The following ZMPSTE24 variants were observed in gnomAD, a reference collection of about 807,000 sequenced individuals.
The protein encoded by ZMPSTE24 is CAAX prenyl protease 1 homolog.
ZMPSTE24 carries 48 observed loss-of-function variants against 56.7 expected under a neutral mutation model. That is an observed-to-expected ratio of 0.85 (90% CI 0.67 to 1.08). The LOEUF is 1.08. ZMPSTE24 is among the 50% of genes least tolerant of loss of function. The pLI is 0.00. For missense variants in ZMPSTE24, 503 were observed against 548.7 expected (o/e 0.92, Z 0.83); for synonymous variants, 172 against 195.2 (o/e 0.88, Z 0.99).
At chr1:40,286,126 C>T in intron 8 of ZMPSTE24, 97 bp downstream of exon 8, 1 of 1,066,992 alleles carries the variant, frequency 9.4e-7, no homozygotes, top group Non-Finnish European at 1.4e-6. Flanking sequence ...AAGGCAGACA[C>T]CACAGCCAGG....
In ZMPSTE24 at chr1:40,293,358, T is replaced by G. The variant is rs1199494338; in HGVS notation, c.*689T>G. On this transcript the variant is annotated 3_prime_UTR_variant, in exon 10 of 10. Transcript: ENST00000372759. The stretch of plus-strand genomic sequence containing the variant: ...TTTTTTGTTTGTTTGTTTCTTTTGT[T>G]TTTTGGAAAATCCGTGTCTTTATCT... The G allele has an allele frequency of 1.3e-5, 2 of 152,234 alleles. No individual in the cohort carries two copies. The highest frequency in any genetic ancestry group is 2.9e-5 in the Non-Finnish European group (2 of 68,062). 9.4% of individuals were successfully genotyped at this position (152,234 alleles called of 1,614,324 possible). A position where few individuals can be genotyped will look rare whatever the true frequency, so the allele number is the denominator to read the frequency against.
intron 6 of ZMPSTE24, among the ~76,000 whole-genome samples, chr1:40,275,265 C>CAAAA (rs869166476): frequency 4.4e-4 from 17 of 38,616 alleles, no homozygotes; most frequent in African/African-American, 6.6e-4. Context: ...ACTAAAAATA[C>CAAAA]AAAAAAAAAA....
intron 9 of ZMPSTE24, among the ~76,000 whole-genome samples, chr1:40,292,022 C>T (rs1422854473): frequency 1.3e-5 from 2 of 151,646 alleles, no homozygotes; most frequent in African/African-American, 4.8e-5. Context: ...TGTATTTTTA[C>T]TAGAGACAGG....
At chr1:40,276,338 TAAGAG>T (rs1280898872) in intron 6 of ZMPSTE24, among the ~76,000 whole-genome samples, 1 of 152,050 alleles carries the variant, frequency 6.6e-6, no homozygotes, top group Non-Finnish European at 1.5e-5. Flanking sequence ...TGAAGGCACT[TAAGAG>T]AAGGGGACCA....
intron 6 of ZMPSTE24, 32 bp downstream of exon 6, chr1:40,272,067 C>A: frequency 6.4e-7 from 1 of 1,563,012 alleles, no homozygotes; most frequent in Non-Finnish European, 8.7e-7. Context: ...AAAGTTTTAT[C>A]CAAGTGGTTT....
At chr1:40,289,928 C>T (rs757770589) in intron 8 of ZMPSTE24, among the ~76,000 whole-genome samples, 3 of 152,140 alleles carry the variant, frequency 2.0e-5, no homozygotes, top group Non-Finnish European at 2.9e-5. Flanking sequence ...GGCCAGAATC[C>T]ATTCTAGCCC....
intron 4 of ZMPSTE24, among the ~76,000 whole-genome samples, chr1:40,269,073 C>CAAAA (rs60201234): frequency 7.3e-3 from 318 of 43,476 alleles, no homozygotes; most frequent in Middle Eastern, 0.024. Context: ...GACTCCGTCT[C>CAAAA]AAAAAAAAAA....
At chr1:40,274,241 A>G (rs1643647085) in intron 6 of ZMPSTE24, among the ~76,000 whole-genome samples, 6 of 152,244 alleles carry the variant, frequency 3.9e-5, no homozygotes. Flanking sequence ...CAGTTTACTC[A>G]CCTATAATGT....
intron 6 of ZMPSTE24, among the ~76,000 whole-genome samples, chr1:40,275,624 C>T (rs1390005746): frequency 6.6e-6 from 1 of 151,712 alleles, no homozygotes; most frequent in Admixed American, 6.6e-5. Context: ...TGGTGGTGCA[C>T]ACCTGTAGTT....
chr1:40,258,432 G>A (rs3765485), intron 1 of ZMPSTE24, 38 bp downstream of exon 1: 34 of 1,613,202 alleles, frequency 2.1e-5, no homozygotes, highest in Non-Finnish European at 2.9e-5. Flanking sequence ...CCCCATACCC[G>A]GCCAGCCCTG....
chr1:40,284,671 G>A (rs1034571846), intron 7 of ZMPSTE24, among the ~76,000 whole-genome samples: 26 of 152,190 alleles, frequency 1.7e-4, no homozygotes, highest in African/African-American at 6.3e-4. Context: ...AGAATCACTT[G>A]AACCCAGGAG....
intron 8 of ZMPSTE24, among the ~76,000 whole-genome samples, chr1:40,286,459 C>T (rs1643787639): frequency 6.6e-6 from 1 of 152,106 alleles, no homozygotes. Context: ...CTCGCTCTGT[C>T]ACCCAGACTG....
At chr1:40,276,936 G>A (rs1045014460) in intron 6 of ZMPSTE24, among the ~76,000 whole-genome samples, 3 of 152,146 alleles carry the variant, frequency 2.0e-5, no homozygotes, top group Non-Finnish European at 4.4e-5. Context: ...AGGTCACTAG[G>A]TGATAGGAAT....
In ZMPSTE24 at chr1:40,293,429, G is replaced by C. The variant is rs963586363; in HGVS notation, c.*760G>C. ...ATGATCCCATTGGAGGTAAATTGTAGCTTCTTCTCATTCATGCAGTAAATA... is the reference window on the plus strand; with the variant it reads ...ATGATCCCATTGGAGGTAAATTGTACCTTCTTCTCATTCATGCAGTAAATA... On this transcript the variant is annotated 3_prime_UTR_variant, in exon 10 of 10. Coordinates refer to ENST00000372759, the MANE Select transcript of ZMPSTE24 (RefSeq NM_005857.5). The C allele has an allele frequency of 6.6e-6, 1 of 152,026 alleles. No individual in the cohort carries two copies. Among genetic ancestry groups the C allele is most frequent in the Non-Finnish European group, 1.5e-5 (1 of 68,004 alleles). The allele number at this position is 152,026 out of a possible 1,614,324, so 9.4% of individuals were successfully genotyped here.
chr1:40,261,687 G>A lies in ZMPSTE24; in HGVS notation c.270+702G>A, dbSNP rs752467535. Among the ~76,000 whole-genome samples the A allele has an allele frequency of 6.5e-4, 99 of 151,896 alleles. 1 individual carries two copies. Among genetic ancestry groups the A allele is most frequent in the Non-Finnish European group, 9.3e-4 (63 of 67,944 alleles). ...TATTTATTGAATGAAATAATGTGGGGTTTTTTTGTTGCTTTTTTTGTTTTG... is the reference window on the plus strand; with the variant it reads ...TATTTATTGAATGAAATAATGTGGGATTTTTTTGTTGCTTTTTTTGTTTTG... On this transcript the variant is annotated intron_variant, in intron 2 of 9. Transcript: ENST00000372759.
intron 3 of ZMPSTE24, 117 bp downstream of exon 3, chr1:40,267,989 G>T: frequency 1.2e-6 from 1 of 850,244 alleles, no homozygotes; most frequent in South Asian, 1.3e-5. Context: ...TGTTTGCATA[G>T]TCCTTGGTTA....
chr1:40,290,212 C>T (rs573557553), intron 8 of ZMPSTE24, among the ~76,000 whole-genome samples: 46 of 151,592 alleles, frequency 3.0e-4, no homozygotes, highest in African/African-American at 1.1e-3. Flanking sequence ...AGTGAAACCC[C>T]GTCTCTTCTA....
chr1:40,261,486 A>G (rs185931669), intron 2 of ZMPSTE24, among the ~76,000 whole-genome samples: 33 of 151,910 alleles, frequency 2.2e-4, no homozygotes, highest in African/African-American at 7.5e-4. Context: ...AGTAGTTGGG[A>G]CTACAGTTGC....
At chr1:40,281,624 A>G in intron 7 of ZMPSTE24, 97 bp downstream of exon 7, 2 of 1,265,332 alleles carry the variant, frequency 1.6e-6, no homozygotes, top group Admixed American at 4.0e-5. Context: ...TGAGTGTTGA[A>G]TTCAGGGAGA....
Sources: gnomAD v4.1 joint callset for allele counts (sites outside exome capture counted in the v4.1 genomes callset) on GRCh38, gnomAD v4.1.1 for gene constraint, MANE v1.5 for transcripts, NCBI Gene and HGNC (gene_info 2026-07-23, HGNC 2026-07-21) for gene names.